DLG2: variants seen among roughly 807,000 people sequenced by gnomAD.
The protein encoded by DLG2 is disks large homolog 2.
Under a neutral mutation model 132.5 loss-of-function variants are expected in DLG2, and 45 were observed. The observed-to-expected ratio is 0.34, with a 90% CI of 0.27 to 0.44. The LOEUF is 0.44. Among genes scored for constraint, DLG2 ranks in the 20% least tolerant of loss-of-function variants. DLG2 has a pLI of 1.00. For missense variants in DLG2, 1,045 were observed against 1,196.9 expected, an observed-to-expected ratio of 0.87 and a Z score of 1.87; for synonymous variants, 424 against 419.6, an observed-to-expected ratio of 1.01 and a Z score of -0.13.
rs538348903 is a variant in DLG2 at position 84,589,071 on chromosome 11, C to A, written c.358-54340G>T. On this transcript the variant is annotated intron_variant, in intron 6 of 27. Transcript: ENST00000376104. ...AAGTGGTGGGGTCTGGTAACACTTT[C>A]AAAGTACTATTCTAGGTATCCTGAC... Among the ~76,000 whole-genome samples the A allele has an allele frequency of 1.1e-4, 17 of 152,170 alleles. 1 individual carries two copies. Among genetic ancestry groups the A allele is most frequent in the African/African-American group, 3.6e-4 (15 of 41,540 alleles).
At chr11:85,274,026 G>A (rs530934927) in intron 4 of DLG2, among the ~76,000 whole-genome samples, 2 of 152,306 alleles carry the variant, frequency 1.3e-5, no homozygotes, top group African/African-American at 4.8e-5. Flanking sequence ...AACACCACAT[G>A]TTCTCACTCA....
chr11:83,935,894 C>A (rs970762461), intron 14 of DLG2, among the ~76,000 whole-genome samples: 71 of 152,252 alleles, frequency 4.7e-4, no homozygotes, highest in Middle Eastern at 3.4e-3. Context: ...TTCTTAACAT[C>A]CTCATCTGGA....
intron 19 of DLG2, among the ~76,000 whole-genome samples, chr11:83,588,130 C>T (rs1180151654): frequency 6.6e-6 from 1 of 152,146 alleles, no homozygotes; most frequent in Non-Finnish European, 1.5e-5. Context: ...GTGGAGCCCA[C>T]CACAGCTCAA....
In DLG2 at chr11:84,169,872, C is replaced by CA. The variant is rs11358686; in HGVS notation, c.574-6362dup. 9.4e-4 allele frequency among the ~76,000 whole-genome samples: 133 copies of CA among 141,602 alleles called. 1 individual carries two copies. The highest frequency in any genetic ancestry group is 2.3e-3 in the African/African-American group (88 of 38,388). 92.9% of individuals were successfully genotyped at this position (141,602 alleles called of 152,430 possible). ...TGGGCAACAGAGTGAGACTTGGTCT[C>CA]AAAAAAAAAAAAAAAATCTCAACTA... On this transcript the variant is annotated intron_variant, in intron 8 of 27. Coordinates refer to ENST00000376104, the MANE Select transcript of DLG2 (RefSeq NM_001142699.3).
chr11:83,727,192 C>A (rs1354455829), intron 18 of DLG2, among the ~76,000 whole-genome samples: 4 of 152,140 alleles, frequency 2.6e-5, no homozygotes, highest in Non-Finnish European at 4.4e-5. Context: ...TTATTCAACA[C>A]AATCAACAGT....
intron 17 of DLG2, among the ~76,000 whole-genome samples, chr11:83,797,895 T>C (rs947250671): frequency 1.1e-4 from 16 of 152,330 alleles, no homozygotes; most frequent in African/African-American, 3.8e-4. Context: ...TTAGTATATT[T>C]GACCATAATG....
intron 3 of DLG2, among the ~76,000 whole-genome samples, chr11:85,530,643 T>A (rs191187200): frequency 1.2e-3 from 177 of 152,306 alleles, no homozygotes; most frequent in African/African-American, 4.0e-3. Flanking sequence ...TAATGCTTTT[T>A]TATAGACTAA....
At chr11:84,113,930 C>T (rs1252723739) in intron 9 of DLG2, among the ~76,000 whole-genome samples, 1 of 152,004 alleles carries the variant, frequency 6.6e-6, no homozygotes, top group East Asian at 1.9e-4. Flanking sequence ...CCTATGAAAA[C>T]ATTCTGCCTT....
intron 8 of DLG2, among the ~76,000 whole-genome samples, chr11:84,239,837 A>C (rs1457267811): frequency 6.6e-6 from 1 of 152,252 alleles, no homozygotes; most frequent in Non-Finnish European, 1.5e-5. Flanking sequence ...AAAGGCTAGC[A>C]CTTGATGGAT....
chr11:85,150,262 C>T (rs1254883043), intron 5 of DLG2, among the ~76,000 whole-genome samples: 8 of 151,982 alleles, frequency 5.3e-5, no homozygotes, highest in East Asian at 3.9e-4. Flanking sequence ...CCTCGTGATC[C>T]GCCCGTCTCA....
intron 4 of DLG2, among the ~76,000 whole-genome samples, chr11:85,159,221 G>T (rs942079425): frequency 2.6e-5 from 4 of 152,144 alleles, no homozygotes; most frequent in African/African-American, 9.7e-5. Context: ...GGCTTATAGA[G>T]ATCAGGTAAT....
chr11:83,893,499 C>A (rs536599130), intron 15 of DLG2, among the ~76,000 whole-genome samples: 1 of 152,308 alleles, frequency 6.6e-6, no homozygotes, highest in African/African-American at 2.4e-5. Flanking sequence ...TGCTTTACCC[C>A]AGGTTTTCTC....
chr11:84,500,656 G>A (rs545868946), intron 7 of DLG2, among the ~76,000 whole-genome samples: 13 of 152,138 alleles, frequency 8.5e-5, no homozygotes, highest in Non-Finnish European at 1.5e-5. Context: ...AGAGCATCTA[G>A]GAAGTGTCCC....
At chr11:83,461,684 G>T in intron 27 of DLG2, 1 of 241,186 alleles carries the variant, frequency 4.1e-6, no homozygotes, top group Non-Finnish European at 8.1e-6. Flanking sequence ...GATGATATCA[G>T]GGAGATAGTT....
intron 7 of DLG2, among the ~76,000 whole-genome samples, chr11:84,288,693 G>T (rs570596466): frequency 6.6e-6 from 1 of 151,984 alleles, no homozygotes; most frequent in African/African-American, 2.4e-5. Context: ...TAAATGAAAC[G>T]AAATAAAACA....
intron 6 of DLG2, among the ~76,000 whole-genome samples, chr11:84,780,683 A>G (rs1463785314): frequency 6.6e-6 from 1 of 151,996 alleles, no homozygotes; most frequent in Admixed American, 6.6e-5. Flanking sequence ...GTGACATCTT[A>G]TTGTGGTTAT....
At chr11:85,467,167 G>C (rs1216509302) in intron 3 of DLG2, among the ~76,000 whole-genome samples, 1 of 152,194 alleles carries the variant, frequency 6.6e-6, no homozygotes, top group Non-Finnish European at 1.5e-5. Context: ...TTTGTATCCT[G>C]AGACTTTGCT....
chr11:83,886,825 G>C (rs1400888234), intron 15 of DLG2, among the ~76,000 whole-genome samples: 1 of 152,036 alleles, frequency 6.6e-6, no homozygotes, highest in African/African-American at 2.4e-5. Flanking sequence ...CATGGAAACT[G>C]AACAACCTGC....
chr11:85,096,987 G>A (rs1027563482), intron 6 of DLG2, among the ~76,000 whole-genome samples: 1 of 152,116 alleles, frequency 6.6e-6, no homozygotes, highest in African/African-American at 2.4e-5. Flanking sequence ...CAACTCCGGG[G>A]TCCCAACAAC....
Sources: allele counts gnomAD v4.1 joint callset (sites outside exome capture counted in the v4.1 genomes callset), GRCh38; gene constraint gnomAD v4.1.1; transcripts MANE v1.5; gene names NCBI Gene and HGNC (gene_info 2026-07-23, HGNC 2026-07-21).